ZNF385D: variants seen among roughly 807,000 people sequenced by gnomAD.
ZNF385D encodes zinc finger protein 659.
ZNF385D carries 15 observed loss-of-function variants against 35.8 expected under a neutral mutation model. The ratio of observed to expected loss-of-function variants is 0.42; its 90% confidence interval spans 0.28 to 0.64. ZNF385D has a LOEUF of 0.64. Among genes scored for constraint, ZNF385D ranks in the 30% least tolerant of loss-of-function variants. ZNF385D has a pLI of 0.23. For synonymous variants in ZNF385D, 212 were observed against 186.8 expected (o/e 1.13, Z -1.10); for missense variants, 474 against 494.6 (o/e 0.96, Z 0.39).
In ZNF385D at chr3:21,479,239, G is replaced by A. The variant is rs114519343; in HGVS notation, c.439+31622C>T. On this transcript the variant is annotated intron_variant, in intron 4 of 7. Transcript: ENST00000281523. ...TCAGGCAGGAAATGCATATCTTTCC[G>A]TGTAATTTCATCCAGGATACACTTG... 9.2e-3 allele frequency among the ~76,000 whole-genome samples: 1,394 copies of A among 151,188 alleles called. 14 individuals are homozygous for A. The highest frequency in any genetic ancestry group is 0.031 in the African/African-American group (1,298 of 41,214).
At chr3:21,643,956 G>A (rs1334380102) in intron 2 of ZNF385D, among the ~76,000 whole-genome samples, 2 of 152,142 alleles carry the variant, frequency 1.3e-5, no homozygotes, top group African/African-American at 2.4e-5. Flanking sequence ...GACTCTGAGT[G>A]CATCCCAGCT....
chr3:22,012,658 A>G (rs1696649965), intron 3 of ZNF385D, among the ~76,000 whole-genome samples: 1 of 151,892 alleles, frequency 6.6e-6, no homozygotes, highest in South Asian at 2.1e-4. Flanking sequence ...CTTCACTTGA[A>G]CTCTCACTCA....
intron 3 of ZNF385D, among the ~76,000 whole-genome samples, chr3:21,532,014 A>C (rs1337694239): frequency 6.6e-6 from 1 of 152,128 alleles, no homozygotes; most frequent in Non-Finnish European, 1.5e-5. Context: ...AAATCTCTGT[A>C]CCTTCTGCTT....
chr3:21,621,075 T>C (rs1306457980), intron 2 of ZNF385D, among the ~76,000 whole-genome samples: 1 of 152,096 alleles, frequency 6.6e-6, no homozygotes, highest in Non-Finnish European at 1.5e-5. Context: ...AGTCTTTACA[T>C]TGTAAAAATC....
At chr3:22,042,151 G>C (rs1022622215) in intron 3 of ZNF385D, among the ~76,000 whole-genome samples, 5 of 152,054 alleles carry the variant, frequency 3.3e-5, no homozygotes, top group African/African-American at 1.2e-4. Flanking sequence ...TGGAATTCAA[G>C]GAATCCTACT....
At chr3:21,755,752 T>C (rs1378016029), upstream of ZNF385D, among the ~76,000 whole-genome samples, 1 of 152,184 alleles carries the variant, frequency 6.6e-6, no homozygotes, top group Non-Finnish European at 1.5e-5. Flanking sequence ...AATGAACAAA[T>C]TCATTATTTA....
At chr3:21,464,115 T>G (rs763274981) in intron 4 of ZNF385D, among the ~76,000 whole-genome samples, 30 of 152,200 alleles carry the variant, frequency 2.0e-4, no homozygotes, top group Non-Finnish European at 3.5e-4. Flanking sequence ...AACAAATATT[T>G]TACTGATTAC....
intron 2 of ZNF385D, among the ~76,000 whole-genome samples, chr3:22,213,556 A>G (rs1374277008): frequency 6.6e-6 from 1 of 152,090 alleles, no homozygotes; most frequent in African/African-American, 2.4e-5. Flanking sequence ...TAAACACTCT[A>G]GGTATCAGTA....
At chr3:21,814,157 T>A (rs1480233355) in intron 3 of ZNF385D, among the ~76,000 whole-genome samples, 1 of 152,110 alleles carries the variant, frequency 6.6e-6, no homozygotes, top group Admixed American at 6.5e-5. Context: ...GCTGAGAGAT[T>A]TTGTCACCAA....
chr3:22,145,202 T>A (rs918530876), intron 3 of ZNF385D, among the ~76,000 whole-genome samples: 1 of 152,246 alleles, frequency 6.6e-6, no homozygotes, highest in Non-Finnish European at 1.5e-5. Flanking sequence ...ACCTTCTTTA[T>A]GGATATGTTC....
At chr3:21,890,927 C>T (rs1444964725) in intron 3 of ZNF385D, among the ~76,000 whole-genome samples, 1 of 152,090 alleles carries the variant, frequency 6.6e-6, no homozygotes, top group East Asian at 1.9e-4. Context: ...TGGTCTCCAA[C>T]AGTATTTAAG....
At chr3:22,232,479 T>G (rs1308529041) in intron 2 of ZNF385D, among the ~76,000 whole-genome samples, 1 of 152,180 alleles carries the variant, frequency 6.6e-6, no homozygotes, top group African/African-American at 2.4e-5. Context: ...CATGGTGGTT[T>G]GTTGCACCCA....
rs191137822 is a variant in ZNF385D, at chr3:21,868,347, G to T, written c.326-203319C>A. ...GCCATATTTAAAGACCCCTGCTCAT[G>T]ATAATTCTATGATTTTATGAATGAG... On this transcript the variant is annotated intron_variant, in intron 3 of 5. Coordinates refer to the ZNF385D transcript ENST00000494108. 5.9e-5 allele frequency among the ~76,000 whole-genome samples: 9 copies of T among 152,206 alleles called. No individual in the cohort carries two copies. In the East Asian group the frequency reaches 1.4e-3, roughly 23 times the overall value.
intron 3 of ZNF385D, among the ~76,000 whole-genome samples, chr3:22,081,640 A>T (rs1344143264): frequency 1.3e-5 from 2 of 152,160 alleles, no homozygotes; most frequent in Non-Finnish European, 2.9e-5. Context: ...GCTGGGACCA[A>T]AGCCTGTCAT....
intron 4 of ZNF385D, among the ~76,000 whole-genome samples, chr3:21,480,960 T>C (rs1158213450): frequency 1.3e-5 from 2 of 152,212 alleles, no homozygotes; most frequent in Non-Finnish European, 2.9e-5. Flanking sequence ...ACTTATCACA[T>C]ATGATAATCT....
At chr3:21,622,085 G>T (rs946753267) in intron 2 of ZNF385D, among the ~76,000 whole-genome samples, 1 of 152,020 alleles carries the variant, frequency 6.6e-6, no homozygotes, top group African/African-American at 2.4e-5. Context: ...TTTACAGGAG[G>T]GACCATGAGC....
chr3:21,674,386 C>T (rs184466875), intron 1 of ZNF385D, among the ~76,000 whole-genome samples: 2 of 152,156 alleles, frequency 1.3e-5, no homozygotes, highest in Non-Finnish European at 1.5e-5. Flanking sequence ...GGACACTATA[C>T]ATATGGGTAA....
intron 2 of ZNF385D, among the ~76,000 whole-genome samples, chr3:22,350,544 C>A (rs1181574648): frequency 3.3e-5 from 5 of 152,064 alleles, no homozygotes; most frequent in African/African-American, 1.2e-4. Context: ...CAAACCTTAG[C>A]AAATTCTTAA....
At chr3:21,746,946 AG>A (rs748534025) in intron 1 of ZNF385D, among the ~76,000 whole-genome samples, 11 of 152,110 alleles carry the variant, frequency 7.2e-5, no homozygotes, top group Non-Finnish European at 1.6e-4. Flanking sequence ...TAAACATCCC[AG>A]GGGAAAAAAG....
Sources: gnomAD v4.1 joint callset for allele counts (sites outside exome capture counted in the v4.1 genomes callset) on GRCh38, gnomAD v4.1.1 for gene constraint, MANE v1.5 for transcripts, NCBI Gene and HGNC (gene_info 2026-07-23, HGNC 2026-07-21) for gene names.